EDRF1: variants seen among roughly 807,000 people sequenced by gnomAD.
The protein encoded by EDRF1 is erythroid differentiation regulatory factor 1.
EDRF1 carries 69 observed loss-of-function variants against 148.7 expected under a neutral mutation model. The ratio of observed to expected loss-of-function variants is 0.46; its 90% CI spans 0.38 to 0.57. The LOEUF (loss-of-function observed/expected upper bound fraction) is 0.57. Ranked by LOEUF, EDRF1 falls within the 20% of genes least tolerant of loss-of-function variation. The pLI is 0.00. For synonymous variants in EDRF1, 515 were observed against 532.8 expected, an observed-to-expected ratio of 0.97 and a Z score of 0.46; for missense variants, 1,118 against 1,478.7, an observed-to-expected ratio of 0.76 and a Z score of 4.00.
chr10:125,721,174 C>T lies in EDRF1; in HGVS notation c.109-30C>T, dbSNP rs759642677. On this transcript the variant is annotated intron_variant, in intron 1 of 24. Coordinates refer to ENST00000356792, the MANE Select transcript of EDRF1 (RefSeq NM_001202438.2). ...GAGATTTTTCGTTCTTAGTAATTTT[C>T]ATTAAAGTTTCACCCAATGTGTTAA... The T allele has an allele frequency of 6.2e-6, 10 of 1,607,132 alleles. No individual in the cohort carries two copies. The East Asian group carries it at 2.2e-4, about 36-fold the overall frequency.
At chr10:125,740,771 G>GT (rs1405132808) in intron 16 of EDRF1, 120 bp downstream of exon 16, 1 of 1,228,320 alleles carries the variant, frequency 8.1e-7, no homozygotes, top group East Asian at 2.4e-5. Context: ...TAAAATGACT[G>GT]TTTCCAATCC....
intron 13 of EDRF1, among the ~76,000 whole-genome samples, 155 bp downstream of exon 13, chr10:125,736,059 A>G (rs1848714307): frequency 6.6e-6 from 1 of 152,224 alleles, no homozygotes. Flanking sequence ...AGTTGGTTTT[A>G]TAATTGTTCG....
chr10:125,757,224 T>A (rs1322258356), intron 24 of EDRF1: 1 of 210,866 alleles, frequency 4.7e-6, no homozygotes, highest in Non-Finnish European at 9.8e-6. Context: ...TTCCATTTTA[T>A]TTCACTATTG....
intron 6 of EDRF1, 36 bp downstream of exon 6, chr10:125,725,874 A>G: frequency 1.2e-6 from 2 of 1,603,014 alleles, no homozygotes; most frequent in African/African-American, 1.3e-5. Context: ...AAACTCACAT[A>G]GGAAAACAAA....
intron 9 of EDRF1, chr10:125,731,844 T>C (rs998483449): frequency 2.2e-6 from 1 of 450,548 alleles, no homozygotes; most frequent in African/African-American, 2.0e-5. Context: ...TTAAATGCTT[T>C]ACCTTATTTG....
chr10:125,723,780 T>A (rs768082039), intron 3 of EDRF1, 31 bp from the exon 4 acceptor site: 10 of 1,597,614 alleles, frequency 6.3e-6, no homozygotes, highest in African/African-American at 4.0e-5. Flanking sequence ...AAACAGTCTT[T>A]CTAAACTATT....
chr10:125,749,628 G>T, intron 22 of EDRF1, 63 bp downstream of exon 22: 8 of 1,573,356 alleles, frequency 5.1e-6, no homozygotes, highest in Non-Finnish European at 7.0e-6. Flanking sequence ...TTGTCTTAGA[G>T]TAAGGCAGGC....
chr10:125,728,452 C>G (rs1239714009), intron 6 of EDRF1, among the ~76,000 whole-genome samples: 2 of 152,198 alleles, frequency 1.3e-5, no homozygotes, highest in Non-Finnish European at 2.9e-5. Context: ...GTGAAACACT[C>G]ATCAGGAAAT....
intron 18 of EDRF1, 44 bp from the exon 19 acceptor site, chr10:125,745,663 C>T: frequency 6.3e-7 from 1 of 1,596,898 alleles, no homozygotes; most frequent in Non-Finnish European, 8.6e-7. Flanking sequence ...AAGGTTTACA[C>T]TGATGTCTGC....
chr10:125,731,571 G>T lies in EDRF1; in HGVS notation c.1128+1172G>T, dbSNP rs150132543. Among the ~76,000 whole-genome samples, 101 of 152,330 alleles carry T rather than the reference G, an allele frequency of 6.6e-4. 1 individual carries two copies. The South Asian group carries it at 9.9e-3, about 15-fold the overall frequency. On this transcript the variant is annotated intron_variant, in intron 9 of 24. Coordinates refer to ENST00000356792, the MANE Select transcript of EDRF1 (RefSeq NM_001202438.2). ...GAGATCTTAAATGTTGAGCTAAGGA[G>T]TATGGACTTGGTTCAGTTGGTAATC...
At chr10:125,753,575 T>C (rs1849748144) in intron 23 of EDRF1, 119 bp from the exon 24 acceptor site, 4 of 1,130,910 alleles carry the variant, frequency 3.5e-6, no homozygotes, top group Admixed American at 1.8e-5. Flanking sequence ...TTTTGTTTGT[T>C]TGTCTTGTTT....
chr10:125,729,254 G>A, intron 7 of EDRF1, 104 bp from the exon 8 acceptor site: 1 of 1,509,688 alleles, frequency 6.6e-7, no homozygotes, highest in Non-Finnish European at 9.1e-7. Flanking sequence ...TCTGGGGCCT[G>A]ACTTTGTCTT....
intron 6 of EDRF1, among the ~76,000 whole-genome samples, chr10:125,728,577 G>A (rs1234912761): frequency 2.0e-5 from 3 of 151,976 alleles, no homozygotes; most frequent in South Asian, 2.1e-4. Flanking sequence ...GGCTGGATTC[G>A]AACTCCTGGG....
chr10:125,742,092 A>T, intron 17 of EDRF1: 1 of 558,198 alleles, frequency 1.8e-6, no homozygotes, highest in Non-Finnish European at 3.0e-6. Context: ...AAGGTATAAC[A>T]GTTGGTGAAG....
In EDRF1 at chr10:125,743,087, G is replaced by A; in HGVS notation, c.2401G>A (p.Asp801Asn). The change falls in exon 18 of 25, where the codon GAC (aspartate) becomes AAC (asparagine). Residue 801 changes from aspartate to asparagine, a missense_variant. Physicochemically the swap from Asp to Asn is conservative, Grantham distance 23. This residue lies in a region of EDRF1 where 954 missense variants were observed against 1,241.4 expected (regional missense o/e 0.77). Coordinates refer to ENST00000356792, the MANE Select transcript of EDRF1 (RefSeq NM_001202438.2). The stretch of plus-strand genomic sequence containing the variant: ...TGCATGGGCAACTGATTTGTCTACA[G>A]ACTTAGAAAGTCAACTCTCTGTTAG... ...GFAWATDLSTDLESQLSVSCK... is the reference protein window; with the variant it reads ...GFAWATDLSTNLESQLSVSCK... 1 of 1,613,834 alleles carries A rather than the reference G, an allele frequency of 6.2e-7. No homozygotes were observed. Among genetic ancestry groups the A allele is most frequent in the Non-Finnish European group, 8.5e-7 (1 of 1,179,930 alleles).
chr10:125,744,593 G>T (rs1849237731), intron 18 of EDRF1: 1 of 152,400 alleles, frequency 6.6e-6, no homozygotes, highest in African/African-American at 2.4e-5. Flanking sequence ...GCATCTGGAG[G>T]GGGCAGTCAG....
chr10:125,749,549 T>A lies in EDRF1; in HGVS notation c.3261T>A (p.Ala1087=), dbSNP rs745974970. The part of the protein sequence containing the change: ...LRVQLERVAF[A]EFQMTSQNSN... ...TACAGCTAGAGAGAGTAGCATTTGC[T>A]GAATTTCAGATGACCAGTAAGTCTT... Residue 1087 remains alanine (A), a synonymous_variant, in exon 22 of 25, where the codon GCT becomes GCA. Coordinates refer to ENST00000356792, the MANE Select transcript of EDRF1 (RefSeq NM_001202438.2). 6.2e-7 allele frequency: 1 copy of A among 1,614,162 alleles called. No individual in the cohort carries two copies. The highest frequency in any genetic ancestry group is 8.5e-7 in the Non-Finnish European group (1 of 1,180,032).
chr10:125,722,069 A>G (rs1848036170), intron 2 of EDRF1, among the ~76,000 whole-genome samples: 1 of 152,204 alleles, frequency 6.6e-6, no homozygotes, highest in Non-Finnish European at 1.5e-5. Context: ...ATGAGCTGGT[A>G]TTTTGGAAAT....
rs779907121 is a variant in EDRF1 at position 125,723,907 on chromosome 10, A to G, written c.481A>G (p.Ile161Val). Reference sequence around the variant, plus strand: ...GACTCTCTTACTAGATGAGCTAGATATTCAAGAACTCTTTATGAGATCGTC... The same window carrying G: ...GACTCTCTTACTAGATGAGCTAGATGTTCAAGAACTCTTTATGAGATCGTC... Reference protein sequence around the residue: ...GRTLLLDELDIQELFMRSSQT... With the variant: ...GRTLLLDELDVQELFMRSSQT... Residue 161 changes from isoleucine (I) to valine (V), a missense_variant, in exon 4 of 25, where the codon ATT becomes GTT. By Grantham distance (29) the Ile-to-Val change is conservative. This residue lies in a region of EDRF1 where 99 missense variants were observed against 186.9 expected (regional missense o/e 0.53). Coordinates refer to ENST00000356792, the MANE Select transcript of EDRF1 (RefSeq NM_001202438.2). 4.3e-6 allele frequency: 7 copies of G among 1,613,616 alleles called. No individual in the cohort carries two copies. The Admixed American group carries it at 8.3e-5, about 19-fold the overall frequency.
Sources: allele counts gnomAD v4.1 joint callset (sites outside exome capture counted in the v4.1 genomes callset), GRCh38; gene constraint gnomAD v4.1.1; regional missense constraint gnomAD v4.1.1; transcripts MANE v1.5; gene names NCBI Gene and HGNC (gene_info 2026-07-23, HGNC 2026-07-21).